The following TTC14 variants were observed in gnomAD, a reference collection of about 807,000 sequenced individuals.
TTC14 encodes the protein tetratricopeptide repeat protein 14.
In TTC14, 63 loss-of-function variants were observed where a neutral mutation model predicts 79.9. The ratio of observed to expected loss-of-function variants is 0.79; its 90% CI spans 0.64 to 0.97. The LOEUF is 0.97. Among genes scored for constraint, TTC14 ranks in the 50% least tolerant of loss-of-function variants. The pLI, the probability that TTC14 is intolerant of heterozygous loss-of-function variation, is 0.00. For synonymous variants in TTC14, 335 were observed against 309.6 expected, an observed-to-expected ratio of 1.08 and a Z score of -0.86; for missense variants, 895 against 894.0, an observed-to-expected ratio of 1.00 and a Z score of -0.01.
intron 7 of TTC14, 80 bp from the exon 8 acceptor site, chr3:180,606,173 C>T: frequency 6.4e-7 from 1 of 1,572,956 alleles, no homozygotes; most frequent in Non-Finnish European, 8.6e-7. Context: ...ATGACATTTG[C>T]TTTTAAAACT....
chr3:180,604,388 AAG>A, intron 4 of TTC14, 79 bp downstream of exon 4: 2 of 1,550,494 alleles, frequency 1.3e-6, no homozygotes, highest in East Asian at 2.3e-5. Flanking sequence ...AATACAGTCT[AAG>A]AGGGTAGTGT....
rs112100563 is a variant in TTC14 at position 180,610,084 on chromosome 3, T to C, written c.1855T>C (p.Ser619Pro). ...GSSKTEKPYK[S>P]ERHFSSRRNS... ...TAGCAAAACAGAAAAGCCATATAAA[T>C]CAGAAAGACATTTTTCCAGTAGAAG... The change falls in exon 12 of 12, where the codon TCA becomes CCA. Residue 619 changes from serine to proline, a missense_variant. Transcript: ENST00000296015. The C allele has an allele frequency of 6.2e-7, 1 of 1,613,438 alleles. No individual in the cohort carries two copies. The highest frequency in any genetic ancestry group is 2.2e-5 in the East Asian group (1 of 44,860).
intron 3 of TTC14, chr3:180,603,815 T>C (rs765576923): frequency 1.8e-5 from 4 of 224,086 alleles, no homozygotes; most frequent in Admixed American, 5.3e-5. Context: ...AAAGATTGGG[T>C]ATTTGCCATC....
At chr3:180,611,168 T>C, downstream of TTC14, 1 of 985,350 alleles carries the variant, frequency 1.0e-6, no homozygotes, top group Non-Finnish European at 1.2e-6. Flanking sequence ...AGGAATAAGA[T>C]CATAAAAGTT....
Position 180,609,773 on chromosome 3 carries a change from G to T in TTC14, c.1544G>T (p.Ser515Ile), listed in dbSNP as rs756459030. 6.2e-7 allele frequency: 1 copy of T among 1,613,992 alleles called. No individual in the cohort carries two copies. Among genetic ancestry groups the T allele is most frequent in the South Asian group, 1.1e-5 (1 of 91,064 alleles). ...AGGAACCGTTCAGAGTCTTCTCGCA[G>T]TTCCAGAAGGCATTCATCTAGGGCA... is the stretch of plus-strand genomic sequence containing the variant. ...HKRNRSESSR[S>I]SRRHSSRASS... The change falls in exon 12 of 12, where the codon AGT becomes ATT. Residue 515 changes from serine to isoleucine, a missense_variant. Physicochemically the swap from Ser to Ile is moderately radical, Grantham distance 142. Coordinates refer to ENST00000296015, the MANE Select transcript of TTC14 (RefSeq NM_133462.4).
downstream of TTC14, chr3:180,614,868 A>G: frequency 6.8e-7 from 1 of 1,479,560 alleles, no homozygotes; most frequent in African/African-American, 1.4e-5. Context: ...TTTGTATTTT[A>G]AAGTATATTT....
In TTC14 at chr3:180,603,347, T is replaced by C. The variant is rs762436022; in HGVS notation, c.486+24T>C. 2.0e-5 allele frequency: 32 copies of C among 1,599,982 alleles called. No homozygotes were observed. The South Asian group carries it at 3.2e-4, about 16-fold the overall frequency. Reference sequence around the variant, plus strand: ...CAGTAAGTTATTTTTGTTACTTGGATTGCTTCTGTTTTTGTTAACGCATCT... The same window carrying C: ...CAGTAAGTTATTTTTGTTACTTGGACTGCTTCTGTTTTTGTTAACGCATCT... On this transcript the variant is annotated intron_variant, in intron 3 of 11. Transcript: ENST00000296015.
At chr3:180,606,163 A>G in intron 7 of TTC14, 90 bp from the exon 8 acceptor site, 1 of 1,551,414 alleles carries the variant, frequency 6.4e-7, no homozygotes, top group South Asian at 1.2e-5. Flanking sequence ...GCCAAGTTTG[A>G]TGACATTTGC....
At chr3:180,616,573 A>G in intron 12 of TTC14, 1 of 1,602,652 alleles carries the variant, frequency 6.2e-7, no homozygotes. Flanking sequence ...CTATGATATC[A>G]ACTAACATTT....
Position 180,607,750 on chromosome 3 carries a change from T to C in TTC14, c.1275T>C (p.Leu425=), listed in dbSNP as rs1487815642. 1 of 1,611,246 alleles carries C rather than the reference T, an allele frequency of 6.2e-7. No individual in the cohort carries two copies. ...FKDAEDALQK[L]HKYMQKSLEL... The stretch of plus-strand genomic sequence containing the variant: ...ATGCAGAGGATGCTTTGCAGAAACT[T>C]CATAAATATATGCAGGTGATTCCTT... Residue 425 remains leucine (L), a synonymous_variant, in exon 10 of 12, where the codon CTT becomes CTC. Coordinates refer to ENST00000296015, the MANE Select transcript of TTC14 (RefSeq NM_133462.4).
rs749477939 is a variant in TTC14 at position 180,616,323 on chromosome 3, C to T, written c.1775-1057C>T. 2.7e-5 allele frequency: 43 copies of T among 1,613,166 alleles called. No individual in the cohort carries two copies. The highest frequency in any genetic ancestry group is 6.7e-5 in the African/African-American group (5 of 74,848). ...ATGTGAAGGAGATCTAGAGCTCTGACGACTGCCTTTTGTGCTAGCTGTAGG... is the reference window on the plus strand; with the variant it reads ...ATGTGAAGGAGATCTAGAGCTCTGATGACTGCCTTTTGTGCTAGCTGTAGG... On this transcript the variant is annotated intron_variant, in intron 12 of 12. Coordinates refer to the TTC14 transcript ENST00000382584.
At chr3:180,611,184 G>A, downstream of TTC14, 1 of 985,006 alleles carries the variant, frequency 1.0e-6, no homozygotes, top group Non-Finnish European at 1.2e-6. Flanking sequence ...AAGTTGAATA[G>A]GAGCCCATTT....
At chr3:180,613,499 G>C (rs1315904187), downstream of TTC14, among the ~76,000 whole-genome samples, 1 of 152,160 alleles carries the variant, frequency 6.6e-6, no homozygotes, top group Non-Finnish European at 1.5e-5. Flanking sequence ...AAGTTATATA[G>C]TGCAATTTCT....
At chr3:180,606,772 T>G (rs969834975) in intron 9 of TTC14, among the ~76,000 whole-genome samples, 169 bp downstream of exon 9, 1 of 152,224 alleles carries the variant, frequency 6.6e-6, no homozygotes, top group Non-Finnish European at 1.5e-5. Flanking sequence ...TCCTAGATAA[T>G]ATACTCAAAA....
chr3:180,609,942 A>G lies in TTC14; in HGVS notation c.1713A>G (p.Ile571Met), dbSNP rs750467206. The G allele has an allele frequency of 2.5e-6, 4 of 1,614,072 alleles. No individual in the cohort carries two copies. The highest frequency in any genetic ancestry group is 3.4e-6 in the Non-Finnish European group (4 of 1,179,938). ...GGTTACAGTATGAAAAGACACAGAT[A>G]AAAGAGAAAGATAGATGCCCTCTCT... is the stretch of plus-strand genomic sequence containing the variant. The part of the protein sequence containing the change: ...QDRLQYEKTQ[I>M]KEKDRCPLSS... Residue 571 changes from isoleucine to methionine, a missense_variant, in exon 12 of 12, where the codon ATA becomes ATG. Ile to Met is a conservative substitution (Grantham distance 10). Coordinates refer to ENST00000296015, the MANE Select transcript of TTC14 (RefSeq NM_133462.4).
chr3:180,604,951 A>G lies in TTC14; in HGVS notation c.801A>G (p.Leu267=), dbSNP rs775589691. ...FVNPGVVEFL[L]EKLGIDESNP... ...ATCCAGGAGTAGTTGAATTCCTTCT[A>G]GAAAAACTAGGAATAGATGAATCTA... Residue 267 remains leucine, a synonymous_variant, in exon 6 of 12, where the codon CTA becomes CTG. Transcript: ENST00000296015. The G allele has an allele frequency of 6.2e-7, 1 of 1,613,880 alleles. No individual in the cohort carries two copies. Among genetic ancestry groups the G allele is most frequent in the African/African-American group, 1.3e-5 (1 of 74,930 alleles).
downstream of TTC14, chr3:180,611,153 G>A: frequency 1.0e-6 from 1 of 985,274 alleles, no homozygotes; most frequent in Non-Finnish European, 1.2e-6. Flanking sequence ...CAGCATAAGT[G>A]CCTTAGGAAT....
chr3:180,610,884 G>GA lies in TTC14; in HGVS notation c.*347dup, dbSNP rs1213636882. 5.1e-4 allele frequency: 504 copies of GA among 988,124 alleles called. 2 individuals carry two copies. Among genetic ancestry groups the GA allele is most frequent in the Non-Finnish European group, 5.8e-4 (481 of 831,796 alleles). 61.2% of individuals were successfully genotyped at this position (988,124 alleles called of 1,614,324 possible). A position where few individuals can be genotyped will look rare whatever the true frequency, so the allele number is the denominator to read the frequency against. ...GTGCATCTTATTCTGCTGTTTGAGA[G>GA]AAAAATTTGTGCATTGAACACTTGG... On this transcript the variant is annotated 3_prime_UTR_variant, in exon 12 of 12. Coordinates refer to ENST00000296015, the MANE Select transcript of TTC14 (RefSeq NM_133462.4).
At chr3:180,607,546 C>T (rs1468736226) in intron 9 of TTC14, 102 bp from the exon 10 acceptor site, 4 of 1,368,502 alleles carry the variant, frequency 2.9e-6, no homozygotes, top group Non-Finnish European at 3.8e-6. Flanking sequence ...ATTTACTTGG[C>T]TTTTCCCTAA....
Sources: allele counts gnomAD v4.1 joint callset (sites outside exome capture counted in the v4.1 genomes callset), GRCh38; gene constraint gnomAD v4.1.1; transcripts MANE v1.5; gene names NCBI Gene and HGNC (gene_info 2026-07-23, HGNC 2026-07-21).